AKAP9: variants seen among roughly 807,000 people sequenced by gnomAD.
The protein encoded by AKAP9 is A-kinase anchoring protein 9.
In AKAP9, 311 loss-of-function variants were observed where a neutral mutation model predicts 488.5. The observed-to-expected ratio is 0.64, with a 90% confidence interval of 0.58 to 0.70. The LOEUF (loss-of-function observed/expected upper bound fraction) is 0.70, where lower values mean the gene tolerates loss of function less well. Among genes scored for constraint, AKAP9 ranks in the 30% least tolerant of loss-of-function variants. The pLI is 0.00. For missense variants in AKAP9, 4,215 were observed against 4,374.5 expected, an observed-to-expected ratio of 0.96 and a Z score of 1.03; for synonymous variants, 1,462 against 1,483.5, an observed-to-expected ratio of 0.99 and a Z score of 0.33.
chr7:92,017,339 A>G (rs1184634914), intron 12 of AKAP9, among the ~76,000 whole-genome samples: 4 of 152,114 alleles, frequency 2.6e-5, no homozygotes, highest in Non-Finnish European at 4.4e-5. Context: ...AAATATATAT[A>G]TCAACTTGTA....
chr7:92,030,201 TG>T (rs1393144139), intron 15 of AKAP9, among the ~76,000 whole-genome samples: 1 of 152,184 alleles, frequency 6.6e-6, no homozygotes, highest in Non-Finnish European at 1.5e-5. Context: ...AAGTTAAGTT[TG>T]GGGGTTATAT....
intron 45 of AKAP9, 143 bp from the exon 46 acceptor site, chr7:92,102,442 TTACTATTAC>T (rs1036855361): frequency 6.3e-5 from 35 of 554,272 alleles, no homozygotes; most frequent in Middle Eastern, 9.0e-4. Flanking sequence ...ACCTGCCGTT[TTACTATTAC>T]TACTACTACT....
intron 25 of AKAP9, 77 bp from the exon 26 acceptor site, chr7:92,066,349 CT>C: frequency 6.4e-7 from 1 of 1,553,772 alleles, no homozygotes; most frequent in Non-Finnish European, 8.9e-7. Flanking sequence ...TAACATATCT[CT>C]AAAGGAGAAG....
At chr7:92,072,025 T>A (rs1811813935) in intron 28 of AKAP9, among the ~76,000 whole-genome samples, 1 of 152,138 alleles carries the variant, frequency 6.6e-6, no homozygotes. Context: ...TATTTCTGTG[T>A]TTCAAAGAGC....
rs554016601 is a variant in AKAP9, at chr7:92,086,536, A to T, written c.9213+120A>T. ...TAATAGGAGCCACTATGAATATTTT[A>T]AAAAAATTATTGTAACTATTTTAAC... On this transcript the variant is annotated intron_variant, in intron 37 of 49. Transcript: ENST00000356239. 1,692 of 781,688 alleles carry T rather than the reference A, an allele frequency of 2.2e-3. 4 individuals are homozygous for T. Among genetic ancestry groups the T allele is most frequent in the Non-Finnish European group, 2.9e-3 (1,423 of 482,462 alleles). The allele number at this position is 781,688 out of a possible 1,614,324, so 48.4% of individuals were successfully genotyped here.
chr7:91,980,427 C>A, intron 3 of AKAP9, 94 bp downstream of exon 3: 5 of 424,778 alleles, frequency 1.2e-5, no homozygotes, highest in Non-Finnish European at 1.6e-5. Flanking sequence ...TCTTGTCACT[C>A]ATGCTTCTAT....
chr7:91,989,384 T>C (rs1466916200), intron 3 of AKAP9, among the ~76,000 whole-genome samples: 1 of 152,172 alleles, frequency 6.6e-6, no homozygotes, highest in Non-Finnish European at 1.5e-5. Context: ...TGAAAAATAC[T>C]CTTCTTACAA....
chr7:91,983,983 T>G (rs982732771), intron 3 of AKAP9, among the ~76,000 whole-genome samples: 1 of 152,152 alleles, frequency 6.6e-6, no homozygotes, highest in Non-Finnish European at 1.5e-5. Flanking sequence ...TTTGTTGGGG[T>G]TTTTTTCTTG....
intron 38 of AKAP9, among the ~76,000 whole-genome samples, chr7:92,091,382 A>T (rs1815529451): frequency 6.6e-6 from 1 of 151,962 alleles, no homozygotes; most frequent in Non-Finnish European, 1.5e-5. Context: ...GGTCAGGAGT[A>T]CGAGACCAGC....
At chr7:91,995,565 T>G in intron 6 of AKAP9, 38 bp from the exon 7 acceptor site, 1 of 1,593,740 alleles carries the variant, frequency 6.3e-7, no homozygotes, top group Non-Finnish European at 8.6e-7. Flanking sequence ...TACAGTCACT[T>G]CAGAATTTAA....
intron 22 of AKAP9, among the ~76,000 whole-genome samples, chr7:92,059,919 T>A (rs1809455389): frequency 6.6e-6 from 1 of 151,926 alleles, no homozygotes; most frequent in Admixed American, 6.6e-5. Flanking sequence ...ATCATGGGTA[T>A]TTTAGGAAAT....
intron 11 of AKAP9, 98 bp downstream of exon 11, chr7:92,016,365 A>G (rs1801512240): frequency 3.3e-6 from 3 of 897,386 alleles, no homozygotes. Flanking sequence ...CACCCAGCCA[A>G]GTTGTTTTTC....
In AKAP9 at chr7:92,085,506, A is replaced by G; in HGVS notation, c.8844A>G (p.Arg2948=). ...GTTTTGGTTTCCAGGGATTACTGAG[A>G]GCTGTCCATAATGAAGGCATGCAGG... is the stretch of plus-strand genomic sequence containing the variant. The part of the protein sequence containing the change: ...SFPKKIKGLL[R]AVHNEGMQVL... The change falls in exon 36 of 50, where the codon AGA becomes AGG. Residue 2948 remains arginine, a synonymous_variant. Coordinates refer to ENST00000356239, the MANE Select transcript of AKAP9 (RefSeq NM_005751.5). 6.2e-7 allele frequency: 1 copy of G among 1,614,050 alleles called. No individual in the cohort carries two copies. Among genetic ancestry groups the G allele is most frequent in the Non-Finnish European group, 8.5e-7 (1 of 1,179,978 alleles).
chr7:92,089,601 A>G, intron 38 of AKAP9, 72 bp downstream of exon 38: 1 of 1,465,566 alleles, frequency 6.8e-7, no homozygotes, highest in Non-Finnish European at 9.4e-7. Flanking sequence ...CTTTCTTATT[A>G]TTATTAAGTT....
chr7:91,976,465 T>G (rs2130573479), intron 2 of AKAP9, among the ~76,000 whole-genome samples: 2 of 152,158 alleles, frequency 1.3e-5, no homozygotes, highest in African/African-American at 4.8e-5. Flanking sequence ...TCAAGTGATC[T>G]GCCTGCCTTA....
intron 1 of AKAP9, among the ~76,000 whole-genome samples, chr7:91,943,129 T>G (rs1791007786): frequency 6.6e-6 from 1 of 151,720 alleles, no homozygotes; most frequent in South Asian, 2.1e-4. Flanking sequence ...AGCCCAGGAG[T>G]TCGAGGCTGC....
rs562347073 is a variant in AKAP9, at chr7:92,095,722, C to T, written c.9729+549C>T. ...GTTGTCTCACTGGCTCAGAGCTCTT[C>T]TAGCCACGTAATCCTAATTCTCACT... On this transcript the variant is annotated intron_variant, in intron 40 of 49. Coordinates refer to ENST00000356239, the MANE Select transcript of AKAP9 (RefSeq NM_005751.5). 1.1e-3 allele frequency among the ~76,000 whole-genome samples: 160 copies of T among 152,252 alleles called. 1 individual carries two copies. Among genetic ancestry groups the T allele is most frequent in the African/African-American group, 3.4e-3 (143 of 41,552 alleles).
intron 28 of AKAP9, among the ~76,000 whole-genome samples, chr7:92,073,620 A>G (rs1359876633): frequency 1.3e-5 from 2 of 152,216 alleles, no homozygotes; most frequent in Non-Finnish European, 1.5e-5. Context: ...TTAAATCTTA[A>G]TAATGTTCTT....
At chr7:92,063,510 T>C in intron 24 of AKAP9, 1 of 984,678 alleles carries the variant, frequency 1.0e-6, no homozygotes. Context: ...GGTGTGTGTA[T>C]ACCATTGCAT....
Sources: allele counts gnomAD v4.1 joint callset (sites outside exome capture counted in the v4.1 genomes callset), GRCh38; gene constraint gnomAD v4.1.1; transcripts MANE v1.5; gene names NCBI Gene and HGNC (gene_info 2026-07-23, HGNC 2026-07-21).